The following NKAIN3 variants were observed in gnomAD, a reference collection of about 807,000 sequenced individuals.
NKAIN3 encodes sodium/potassium transporting ATPase interacting 3.
A neutral mutation model predicts 30.2 loss-of-function variants in NKAIN3; 25 were observed. The observed-to-expected ratio is 0.83, with a 90% confidence interval of 0.60 to 1.16. The LOEUF (loss-of-function observed/expected upper bound fraction) is 1.16. Among genes scored for constraint, NKAIN3 ranks in the 50% most tolerant of loss-of-function variants. The pLI, the probability that NKAIN3 is intolerant of heterozygous loss-of-function variation, is 0.00. For synonymous variants in NKAIN3, 91 were observed against 89.6 expected, an observed-to-expected ratio of 1.02 and a Z score of -0.09; for missense variants, 225 against 254.1, an observed-to-expected ratio of 0.89 and a Z score of 0.78.
At chr8:62,528,324 AATATATATATT>A (rs1563441466) in intron 1 of NKAIN3, among the ~76,000 whole-genome samples, 3 of 73,354 alleles carry the variant, frequency 4.1e-5, no homozygotes, top group African/African-American at 1.8e-4. Context: ...TATATTATAT[AATATATATATT>A]ATATAATATA....
At chr8:62,852,782 C>A (rs1041640459) in intron 4 of NKAIN3, among the ~76,000 whole-genome samples, 2 of 152,094 alleles carry the variant, frequency 1.3e-5, no homozygotes, top group African/African-American at 4.8e-5. Context: ...GTTTCTTAAT[C>A]CTGAGTTCTA....
intron 5 of NKAIN3, among the ~76,000 whole-genome samples, chr8:62,937,290 G>A (rs889756670): frequency 4.6e-5 from 7 of 152,214 alleles, no homozygotes; most frequent in Middle Eastern, 3.4e-3. Flanking sequence ...GAAAGAATTC[G>A]TAGAGCCTTT....
intron 1 of NKAIN3, among the ~76,000 whole-genome samples, chr8:62,472,832 A>G (rs1342596336): frequency 6.6e-6 from 1 of 152,194 alleles, no homozygotes; most frequent in Non-Finnish European, 1.5e-5. Flanking sequence ...TGACCACAAC[A>G]CTAAGCACCA....
chr8:62,926,939 C>A (rs1295614124), intron 5 of NKAIN3, among the ~76,000 whole-genome samples: 1 of 152,150 alleles, frequency 6.6e-6, no homozygotes, highest in East Asian at 1.9e-4. Flanking sequence ...TGTCCCCTCC[C>A]CCAACTTTAC....
chr8:62,843,080 AT>A (rs1819577933), intron 4 of NKAIN3, among the ~76,000 whole-genome samples: 1 of 151,990 alleles, frequency 6.6e-6, no homozygotes, highest in African/African-American at 2.4e-5. Flanking sequence ...AATGAGAAAA[AT>A]ATTTGCAAAC....
intron 1 of NKAIN3, among the ~76,000 whole-genome samples, chr8:62,285,666 G>T (rs1813358585): frequency 6.6e-6 from 1 of 152,108 alleles, no homozygotes; most frequent in South Asian, 2.1e-4. Flanking sequence ...ATGTCACCAC[G>T]TGAATTTAGG....
intron 4 of NKAIN3, among the ~76,000 whole-genome samples, chr8:62,875,471 A>G (rs1820768317): frequency 6.6e-6 from 1 of 152,196 alleles, no homozygotes; most frequent in African/African-American, 2.4e-5. Flanking sequence ...ATTAGAAAAA[A>G]AACTATTTTA....
At chr8:62,740,091 A>G (rs1006746217) in intron 3 of NKAIN3, among the ~76,000 whole-genome samples, 6 of 152,152 alleles carry the variant, frequency 3.9e-5, no homozygotes, top group African/African-American at 1.4e-4. Context: ...AAACCTATCA[A>G]TCACTCTATT....
chr8:62,734,273 T>A (rs775687987), intron 3 of NKAIN3, among the ~76,000 whole-genome samples: 4 of 152,130 alleles, frequency 2.6e-5, no homozygotes, highest in Admixed American at 6.5e-5. Flanking sequence ...ACAGAGCAAG[T>A]TCCTGTCTCA....
intron 4 of NKAIN3, among the ~76,000 whole-genome samples, chr8:62,826,499 C>G (rs1051363797): frequency 6.6e-6 from 1 of 152,154 alleles, no homozygotes; most frequent in African/African-American, 2.4e-5. Context: ...GAGCAAGAGT[C>G]TCTTTTCTCT....
chr8:62,508,551 C>T (rs1807716433), intron 1 of NKAIN3, among the ~76,000 whole-genome samples: 1 of 152,106 alleles, frequency 6.6e-6, no homozygotes, highest in Non-Finnish European at 1.5e-5. Flanking sequence ...TTAGTCATGC[C>T]TACTTGGTTT....
Position 62,792,271 on chromosome 8 carries a change from A to G in NKAIN3, c.471+45142A>G, listed in dbSNP as rs1023639092. On this transcript the variant is annotated intron_variant, in intron 4 of 6. Transcript: ENST00000623646. ...TCCCCCTTTTAAAGCTATTGTCTGT[A>G]TGTTTCTAAAATGTAAATCCAATTA... 3.3e-5 allele frequency among the ~76,000 whole-genome samples: 5 copies of G among 152,248 alleles called. No homozygotes were observed. In the South Asian group the frequency reaches 8.3e-4, roughly 25 times the overall value.
chr8:62,350,018 C>A (rs1488186393), intron 1 of NKAIN3, among the ~76,000 whole-genome samples: 1 of 152,172 alleles, frequency 6.6e-6, no homozygotes, highest in Non-Finnish European at 1.5e-5. Context: ...TTGTGCATAG[C>A]TGATGGGAAT....
At chr8:62,798,568 T>TC (rs11335144) in intron 4 of NKAIN3, among the ~76,000 whole-genome samples, 9 of 145,630 alleles carry the variant, frequency 6.2e-5, no homozygotes, top group South Asian at 4.4e-4. Flanking sequence ...TGAGACTCCG[T>TC]CCCCCCCAAA....
chr8:62,760,001 T>A (rs933357663), intron 4 of NKAIN3, among the ~76,000 whole-genome samples: 1 of 152,168 alleles, frequency 6.6e-6, no homozygotes, highest in African/African-American at 2.4e-5. Flanking sequence ...AAGACATTTA[T>A]GCAGCCAATA....
chr8:62,742,236 A>G (rs548323774), intron 3 of NKAIN3, among the ~76,000 whole-genome samples: 1 of 152,316 alleles, frequency 6.6e-6, no homozygotes, highest in Admixed American at 6.5e-5. Context: ...CAAAGAAAGA[A>G]GAGTGTGGGG....
At chr8:62,818,228 T>G (rs752868654) in intron 4 of NKAIN3, among the ~76,000 whole-genome samples, 1 of 152,200 alleles carries the variant, frequency 6.6e-6, no homozygotes, top group Non-Finnish European at 1.5e-5. Flanking sequence ...TTATATATGA[T>G]GTTGCAGAGG....
At chr8:62,940,033 C>T (rs1822906165) in intron 5 of NKAIN3, among the ~76,000 whole-genome samples, 1 of 151,812 alleles carries the variant, frequency 6.6e-6, no homozygotes, top group Non-Finnish European at 1.5e-5. Context: ...CACATAAGGA[C>T]TCACATAAAC....
intron 1 of NKAIN3, among the ~76,000 whole-genome samples, chr8:62,470,857 T>C (rs1806312869): frequency 1.3e-5 from 2 of 152,262 alleles, no homozygotes; most frequent in East Asian, 3.9e-4. Flanking sequence ...ACTTAGGTTC[T>C]ATAAATATGT....
Sources: gnomAD v4.1 joint callset for allele counts (sites outside exome capture counted in the v4.1 genomes callset) on GRCh38, gnomAD v4.1.1 for gene constraint, MANE v1.5 for transcripts, NCBI Gene and HGNC (gene_info 2026-07-23, HGNC 2026-07-21) for gene names.